Variants in SF3B3 observed in about 807,000 individuals in gnomAD.
The protein encoded by SF3B3 is splicing factor 3b subunit 3, also known as SAP 130.
SF3B3 carries 33 observed loss-of-function variants against 139.2 expected under a neutral mutation model. The ratio of observed to expected loss-of-function variants is 0.24; its 90% CI spans 0.18 to 0.32. The LOEUF (loss-of-function observed/expected upper bound fraction) is 0.32. SF3B3 is among the 10% of genes least tolerant of loss of function. SF3B3 has a pLI of 1.00. For synonymous variants in SF3B3, 596 were observed against 563.6 expected (o/e 1.06, Z -0.81); for missense variants, 818 against 1,509.4 (o/e 0.54, Z 7.59).
chr16:70,535,042 A>T (rs1782576719), intron 5 of SF3B3, among the ~76,000 whole-genome samples: 1 of 152,148 alleles, frequency 6.6e-6, no homozygotes, highest in Non-Finnish European at 1.5e-5. Flanking sequence ...AGGTCTGAAG[A>T]TGGGGTCTGA....
chr16:70,553,295 A>G (rs995681297), intron 11 of SF3B3, among the ~76,000 whole-genome samples: 3 of 152,012 alleles, frequency 2.0e-5, no homozygotes, highest in South Asian at 4.2e-4. Flanking sequence ...AGTAACCTTA[A>G]TCTAGCTGAA....
chr16:70,530,980 T>G (rs895895110), intron 4 of SF3B3, 63 bp downstream of exon 4: 2 of 1,490,874 alleles, frequency 1.3e-6, no homozygotes, highest in East Asian at 2.3e-5. Flanking sequence ...TTTAAGATTG[T>G]TTTCCGGCCG....
chr16:70,553,761 A>C (rs1387230474), intron 11 of SF3B3, among the ~76,000 whole-genome samples: 1 of 152,224 alleles, frequency 6.6e-6, no homozygotes, highest in Non-Finnish European at 1.5e-5. Context: ...TGTTTATTCA[A>C]CTACATTTAA....
At position 70,569,195 on chromosome 16, in the gene SF3B3, G is replaced by A. The variant is rs560953558; in HGVS notation, c.3264+54G>A. The A allele has an allele frequency of 3.1e-6, 4 of 1,282,476 alleles. No individual in the cohort carries two copies. The East Asian group carries it at 9.7e-5, about 31-fold the overall frequency. The allele number at this position is 1,282,476 out of a possible 1,614,324, so 79.4% of individuals were successfully genotyped here. On this transcript the variant is annotated intron_variant, in intron 23 of 25. Coordinates refer to ENST00000302516, the MANE Select transcript of SF3B3 (RefSeq NM_012426.5). ...AACACTGCTTAGCACTTTTCCTGTTGCCCTCACTGAAGAAATTGCCTTTGG... is the reference window on the plus strand; with the variant it reads ...AACACTGCTTAGCACTTTTCCTGTTACCCTCACTGAAGAAATTGCCTTTGG...
Position 70,571,794 on chromosome 16 carries a change from G to A in SF3B3, c.3635G>A (p.Arg1212Gln). Reference sequence around the variant, plus strand: ...GTGTCCAAGAAACTCGAGGATATCCGGACCCGCTACGCCTTCTGAGCCCTC... The same window carrying A: ...GTGTCCAAGAAACTCGAGGATATCCAGACCCGCTACGCCTTCTGAGCCCTC... ...PEVSKKLEDIRTRYAF is the reference protein window; with the variant it reads ...PEVSKKLEDIQTRYAF Residue 1212 changes from arginine (R) to glutamine (Q), a missense_variant, in exon 26 of 26, where the codon CGG becomes CAG. Transcript: ENST00000302516. The A allele has an allele frequency of 1.2e-6, 2 of 1,613,830 alleles. No individual in the cohort carries two copies. The highest frequency in any genetic ancestry group is 2.2e-5 in the East Asian group (1 of 44,880).
chr16:70,556,114 G>T, intron 13 of SF3B3, 65 bp from the exon 14 acceptor site: 1 of 1,536,694 alleles, frequency 6.5e-7, no homozygotes, highest in African/African-American at 1.4e-5. Context: ...GGGTTTTGGG[G>T]TGAATTGGAG....
chr16:70,537,648 G>T (rs1452619027), intron 6 of SF3B3, among the ~76,000 whole-genome samples: 1 of 152,182 alleles, frequency 6.6e-6, no homozygotes, highest in African/African-American at 2.4e-5. Flanking sequence ...TAAGGGATAG[G>T]AAGTCACTAA....
intron 4 of SF3B3, among the ~76,000 whole-genome samples, chr16:70,532,258 C>T (rs1194882365): frequency 6.7e-6 from 1 of 149,986 alleles, no homozygotes; most frequent in African/African-American, 2.5e-5. Context: ...TGCCATTGCA[C>T]TCCAGCCTGG....
intron 10 of SF3B3, among the ~76,000 whole-genome samples, chr16:70,546,225 C>G (rs374193444): frequency 5.3e-5 from 8 of 152,186 alleles, no homozygotes; most frequent in East Asian, 3.8e-4. Flanking sequence ...CCCACTTCAC[C>G]CTCCCAAAGT....
chr16:70,556,399 T>C (rs2050380137), intron 14 of SF3B3, 65 bp downstream of exon 14: 1 of 1,561,804 alleles, frequency 6.4e-7, no homozygotes, highest in Non-Finnish European at 8.8e-7. Context: ...TCCTGATGTC[T>C]ATCTCTGAGA....
rs145600851 is a variant in SF3B3 at position 70,561,704 on chromosome 16, C to T, written c.2208C>T (p.Tyr736=). 7.2e-5 allele frequency: 116 copies of T among 1,613,394 alleles called. No homozygotes were observed. In the African/African-American group the frequency reaches 1.1e-3, roughly 16 times the overall value. ...GCTTCCATCTCACCCCACTGTCTTA[C>T]GAGACACTGGAATTTGCATCGGGTT... is the stretch of plus-strand genomic sequence containing the variant. ...QSRFHLTPLS[Y]ETLEFASGFA... is the part of the protein sequence containing the mutation. The change falls in exon 17 of 26, where the codon TAC becomes TAT. Residue 736 remains tyrosine (Y), a synonymous_variant. Transcript: ENST00000302516.
At chr16:70,551,356 G>A (rs1207965744) in intron 11 of SF3B3, among the ~76,000 whole-genome samples, 1 of 152,184 alleles carries the variant, frequency 6.6e-6, no homozygotes, top group Non-Finnish European at 1.5e-5. Context: ...GGATGGTACA[G>A]TTCCTAGTCA....
At chr16:70,548,582 T>C in intron 11 of SF3B3, 140 bp downstream of exon 11, 1 of 685,342 alleles carries the variant, frequency 1.5e-6, no homozygotes, top group South Asian at 1.8e-5. Flanking sequence ...AACACTGTTT[T>C]TGAGGCTCTT....
In SF3B3 at chr16:70,572,052, C is replaced by T. The variant is rs779234710; in HGVS notation, c.*239C>T. 6 of 656,040 alleles carry T rather than the reference C, an allele frequency of 9.1e-6. No homozygotes were observed. Among genetic ancestry groups the T allele is most frequent in the South Asian group, 9.1e-5 (6 of 66,168 alleles). 40.6% of individuals were successfully genotyped at this position (656,040 alleles called of 1,614,324 possible). A position where few individuals can be genotyped will look rare whatever the true frequency, so the allele number is the denominator to read the frequency against. On this transcript the variant is annotated 3_prime_UTR_variant, in exon 26 of 26. Transcript: ENST00000302516. Reference sequence around the variant, plus strand: ...GGTACATGATACATGACCCCAGGTTCCAGTGTAGAACCTGAGTCCCCCATT... The same window carrying T: ...GGTACATGATACATGACCCCAGGTTTCAGTGTAGAACCTGAGTCCCCCATT...
At position 70,527,857 on chromosome 16, in the gene SF3B3, C is replaced by T. The variant is rs144641278; in HGVS notation, c.71-1016C>T. Among the ~76,000 whole-genome samples the T allele has an allele frequency of 2.0e-4, 31 of 152,092 alleles. No individual in the cohort carries two copies. The East Asian group carries it at 5.8e-3, about 29-fold the overall frequency. On this transcript the variant is annotated intron_variant, in intron 2 of 25. Coordinates refer to ENST00000302516, the MANE Select transcript of SF3B3 (RefSeq NM_012426.5). ...GTGGTGTGATCTTGGCTCACTGCCACCTCCGCCTCCTGGGTTCAAGCGATT... is the reference window on the plus strand; with the variant it reads ...GTGGTGTGATCTTGGCTCACTGCCATCTCCGCCTCCTGGGTTCAAGCGATT...
rs772503640 is a variant in SF3B3 at position 70,567,494 on chromosome 16, T to C, written c.2910T>C (p.Tyr970=). The change falls in exon 21 of 26, where the codon TAT becomes TAC. Residue 970 remains tyrosine, a synonymous_variant. Coordinates refer to ENST00000302516, the MANE Select transcript of SF3B3 (RefSeq NM_012426.5). Reference sequence around the variant, plus strand: ...GTGTGGGGAAGCTGTTGCGTGTCTATGACCTGGGAAAGAAGAAGTTACTCC... The same window carrying C: ...GTGTGGGGAAGCTGTTGCGTGTCTACGACCTGGGAAAGAAGAAGTTACTCC... ...LIGVGKLLRV[Y]DLGKKKLLRK... 1 of 1,614,096 alleles carries C rather than the reference T, an allele frequency of 6.2e-7. No homozygotes were observed. Among genetic ancestry groups the C allele is most frequent in the South Asian group, 1.1e-5 (1 of 91,064 alleles).
Position 70,532,531 on chromosome 16 carries a change from T to G in SF3B3, c.623T>G (p.Leu208Arg). 1 of 1,614,066 alleles carries G rather than the reference T, an allele frequency of 6.2e-7. No individual in the cohort carries two copies. The highest frequency in any genetic ancestry group is 8.5e-7 in the Non-Finnish European group (1 of 1,179,936). Residue 208 changes from leucine to arginine, a missense_variant, in exon 5 of 26, where the codon CTT (leucine) becomes CGT (arginine). By Grantham distance (102) the Leu-to-Arg change is moderately radical (BLOSUM62 -2). Coordinates refer to ENST00000302516, the MANE Select transcript of SF3B3 (RefSeq NM_012426.5). ...GEAAANTQQTLTFYELDLGLN... is the reference protein window; with the variant it reads ...GEAAANTQQTRTFYELDLGLN... ...GCAGCAGCTAATACCCAGCAGACAC[T>G]TACTTTCTATGAGCTAGACCTTGGT...
rs907969006 is a variant in SF3B3 at position 70,575,851 on chromosome 16, A to G, written c.*4038A>G. The stretch of plus-strand genomic sequence containing the variant: ...GTTTTAGGTCAGGAAATGGTAGGAA[A>G]CCTGTAGTTGTGGCTCATAATCCTA... On this transcript the variant is annotated 3_prime_UTR_variant, in exon 26 of 26. Coordinates refer to ENST00000302516, the MANE Select transcript of SF3B3 (RefSeq NM_012426.5). 3 of 152,178 alleles carry G rather than the reference A, an allele frequency of 2.0e-5. No homozygotes were observed. The highest frequency in any genetic ancestry group is 7.2e-5 in the African/African-American group (3 of 41,424). 9.4% of individuals were successfully genotyped at this position (152,178 alleles called of 1,614,324 possible).
In SF3B3 at chr16:70,555,500, A is replaced by AG. The variant is rs201329608; in HGVS notation, c.1710+295dup. The stretch of plus-strand genomic sequence containing the variant: ...CTCAAAAAAAAAAAAAAAAAAAAAA[A>AG]GCGAGCTGGAGTGACAGTGTTCACA... On this transcript the variant is annotated intron_variant, in intron 13 of 25. Transcript: ENST00000302516. 2.3e-3 allele frequency among the ~76,000 whole-genome samples: 320 copies of AG among 141,424 alleles called. 12 individuals are homozygous for AG. The highest frequency in any genetic ancestry group is 2.9e-3 in the South Asian group (13 of 4,452). The allele number at this position is 141,424 out of a possible 152,430, so 92.8% of individuals were successfully genotyped here. A position where few individuals can be genotyped will look rare whatever the true frequency, so the allele number is the denominator to read the frequency against.
Sources: allele counts gnomAD v4.1 joint callset (sites outside exome capture counted in the v4.1 genomes callset), GRCh38; gene constraint gnomAD v4.1.1; transcripts MANE v1.5; gene names NCBI Gene and HGNC (gene_info 2026-07-23, HGNC 2026-07-21).